PRKG1: variants seen among roughly 807,000 people sequenced by gnomAD.
PRKG1 encodes cGMP-dependent protein kinase 1.
In PRKG1, 35 loss-of-function variants were observed where a neutral mutation model predicts 88.1. The ratio of observed to expected loss-of-function variants is 0.40; its 90% confidence interval spans 0.30 to 0.53. The LOEUF (loss-of-function observed/expected upper bound fraction) is 0.53, where lower values mean the gene tolerates loss of function less well. Ranked by LOEUF, PRKG1 falls within the 20% of genes least tolerant of loss-of-function variation. The pLI is 0.59. For missense variants in PRKG1, 540 were observed against 839.8 expected (o/e 0.64, Z 4.41); for synonymous variants, 303 against 292.5 (o/e 1.04, Z -0.37).
At chr10:51,223,387 CTTAAG>C (rs1293518306) in intron 2 of PRKG1, among the ~76,000 whole-genome samples, 2 of 152,142 alleles carry the variant, frequency 1.3e-5, no homozygotes, top group African/African-American at 4.8e-5. Context: ...TGTCTGCTGA[CTTAAG>C]TTAATGTCTG....
chr10:52,128,658 C>A, intron 7 of PRKG1: 2 of 815,868 alleles, frequency 2.5e-6, no homozygotes, highest in Non-Finnish European at 3.0e-6. Flanking sequence ...TAAAAAGAGG[C>A]CACTACTAAA....
In PRKG1 at chr10:52,072,158, C is replaced by CTT. The variant is rs60576406; in HGVS notation, c.935+9552_935+9553dup. Among the ~76,000 whole-genome samples, 214 of 39,554 alleles carry CTT rather than the reference C, an allele frequency of 5.4e-3. 5 individuals are homozygous for CTT. The highest frequency in any genetic ancestry group is 0.012 in the African/African-American group (108 of 8,898). The allele number at this position is 39,554 out of a possible 152,430, so 25.9% of individuals were successfully genotyped here. A position where few individuals can be genotyped will look rare whatever the true frequency, so the allele number is the denominator to read the frequency against. ...GAGACTCTCAGGGTTTATTGTTTTGCTTTTTTTTTTTTTTTTTTTTTTTTT... is the reference window on the plus strand; with the variant it reads ...GAGACTCTCAGGGTTTATTGTTTTGCTTTTTTTTTTTTTTTTTTTTTTTTTTT... On this transcript the variant is annotated intron_variant, in intron 7 of 17. Coordinates refer to ENST00000373980, the MANE Select transcript of PRKG1 (RefSeq NM_006258.4).
At position 52,007,353 on chromosome 10, in the gene PRKG1, A is replaced by G. The variant is rs532698558; in HGVS notation, c.763-47131A>G. ...GTGGCAAGGTGGATAAAGAAATGAG[A>G]CCAAATGTTATGCTGTCTTCAAGAG... On this transcript the variant is annotated intron_variant, in intron 5 of 17. Transcript: ENST00000373980. Among the ~76,000 whole-genome samples, 4 of 151,654 alleles carry G rather than the reference A, an allele frequency of 2.6e-5. No individual in the cohort carries two copies. The South Asian group carries it at 8.4e-4, about 32-fold the overall frequency.
intron 4 of PRKG1, among the ~76,000 whole-genome samples, chr10:51,851,048 A>G (rs538797712): frequency 2.0e-5 from 3 of 152,250 alleles, no homozygotes; most frequent in African/African-American, 7.2e-5. Flanking sequence ...TTATTTCAGT[A>G]TTTCAGTGCT....
At chr10:51,890,098 A>C (rs982566154) in intron 4 of PRKG1, among the ~76,000 whole-genome samples, 1 of 152,052 alleles carries the variant, frequency 6.6e-6, no homozygotes, top group Non-Finnish European at 1.5e-5. Flanking sequence ...TTTTGTTGTC[A>C]TTGCTTTTGG....
At chr10:51,768,000 G>A (rs1838210989) in intron 3 of PRKG1, among the ~76,000 whole-genome samples, 1 of 150,626 alleles carries the variant, frequency 6.6e-6, no homozygotes, top group Admixed American at 6.6e-5. Context: ...AAGGCATTTT[G>A]CTGTTAATTA....
intron 9 of PRKG1, among the ~76,000 whole-genome samples, chr10:52,163,404 G>T (rs1589662908): frequency 2.7e-5 from 4 of 150,622 alleles, no homozygotes; most frequent in East Asian, 3.9e-4. Context: ...ATATATAAAA[G>T]ATATAGAACA....
intron 3 of PRKG1, among the ~76,000 whole-genome samples, chr10:51,769,752 G>T (rs1015799750): frequency 6.6e-6 from 1 of 152,096 alleles, no homozygotes; most frequent in Non-Finnish European, 1.5e-5. Flanking sequence ...ATTTTATCAG[G>T]TGTGTCCAAT....
At chr10:51,583,746 G>A (rs1395603952) in intron 3 of PRKG1, among the ~76,000 whole-genome samples, 1 of 152,050 alleles carries the variant, frequency 6.6e-6, no homozygotes, top group Non-Finnish European at 1.5e-5. Flanking sequence ...AATGTGAGTA[G>A]GATGAATTAT....
At chr10:51,420,448 G>C (rs1275031313) in intron 2 of PRKG1, among the ~76,000 whole-genome samples, 1 of 152,030 alleles carries the variant, frequency 6.6e-6, no homozygotes, top group African/African-American at 2.4e-5. Context: ...TAAATTGTAA[G>C]GCTTAATCAT....
chr10:51,667,022 G>T (rs570836722), intron 3 of PRKG1, among the ~76,000 whole-genome samples: 3 of 151,870 alleles, frequency 2.0e-5, no homozygotes, highest in Admixed American at 6.6e-5. Context: ...GGCTGGTCTC[G>T]AACTCCTGGG....
intron 9 of PRKG1, among the ~76,000 whole-genome samples, chr10:52,179,376 G>A (rs1415234535): frequency 6.6e-6 from 1 of 151,908 alleles, no homozygotes; most frequent in Non-Finnish European, 1.5e-5. Context: ...TTAGCTGACA[G>A]GTCCCCTCTT....
chr10:51,254,217 A>T (rs2132146626), intron 2 of PRKG1, among the ~76,000 whole-genome samples: 1 of 152,104 alleles, frequency 6.6e-6, no homozygotes, highest in Non-Finnish European at 1.5e-5. Flanking sequence ...CAAGCTTGTA[A>T]GTATTCTAAC....
chr10:51,377,007 C>A (rs114048643), intron 2 of PRKG1, among the ~76,000 whole-genome samples: 1 of 152,052 alleles, frequency 6.6e-6, no homozygotes, highest in Non-Finnish European at 1.5e-5. Context: ...AGAAATATCA[C>A]CATCAATTGG....
intron 3 of PRKG1, among the ~76,000 whole-genome samples, chr10:51,701,180 G>C (rs1267941619): frequency 1.3e-5 from 2 of 152,196 alleles, no homozygotes; most frequent in East Asian, 3.9e-4. Context: ...TATATGGATA[G>C]ATTGCATTAT....
chr10:51,164,197 G>A (rs1389931609), intron 2 of PRKG1, among the ~76,000 whole-genome samples: 7 of 152,124 alleles, frequency 4.6e-5, no homozygotes, highest in African/African-American at 1.7e-4. Flanking sequence ...CTCTGAGACA[G>A]AACTTCCAGA....
intron 5 of PRKG1, among the ~76,000 whole-genome samples, chr10:51,985,603 G>A (rs1844134430): frequency 6.6e-6 from 1 of 152,134 alleles, no homozygotes; most frequent in Non-Finnish European, 1.5e-5. Context: ...TTTTGTTTGT[G>A]AGCTTGGAAA....
chr10:50,998,608 CAT>C, intron 1 of PRKG1, among the ~76,000 whole-genome samples: 1 of 150,346 alleles, frequency 6.7e-6, no homozygotes, highest in Non-Finnish European at 1.5e-5. Flanking sequence ...ATTAGCCAGG[CAT>C]GGTGGCACAT....
intron 2 of PRKG1, among the ~76,000 whole-genome samples, chr10:51,420,942 G>C (rs1467466809): frequency 1.3e-5 from 2 of 152,126 alleles, no homozygotes; most frequent in Admixed American, 6.6e-5. Context: ...GATCTGGTAA[G>C]AACTCACTAT....
Sources: gnomAD v4.1 joint callset for allele counts (sites outside exome capture counted in the v4.1 genomes callset) on GRCh38, gnomAD v4.1.1 for gene constraint, MANE v1.5 for transcripts, NCBI Gene and HGNC (gene_info 2026-07-23, HGNC 2026-07-21) for gene names.